The following HSD17B11 variants were observed in gnomAD, a reference collection of about 807,000 sequenced individuals.
HSD17B11 encodes estradiol 17-beta-dehydrogenase 11.
Under a neutral mutation model 27.8 loss-of-function variants are expected in HSD17B11, and 22 were observed. The ratio of observed to expected loss-of-function variants is 0.79; its 90% CI spans 0.56 to 1.13. The LOEUF (loss-of-function observed/expected upper bound fraction) is 1.13, where lower values mean the gene tolerates loss of function less well. Ranked by LOEUF, HSD17B11 falls within the 50% of genes most tolerant of loss-of-function variation. The probability of loss-of-function intolerance (pLI) is 0.00; values close to 1 mark genes in which losing one functional copy is unlikely to be tolerated. For synonymous variants in HSD17B11, 117 were observed against 132.8 expected (o/e 0.88, Z 0.82); for missense variants, 314 against 351.1 (o/e 0.89, Z 0.84).
At chr4:87,378,853 T>A (rs986880158) in intron 2 of HSD17B11, among the ~76,000 whole-genome samples, 1 of 23,294 alleles carries the variant, frequency 4.3e-5, no homozygotes, top group Non-Finnish European at 7.8e-5. Flanking sequence ...TAAATATATA[T>A]ATAAATATAT....
intron 4 of HSD17B11, among the ~76,000 whole-genome samples, chr4:87,368,240 C>T (rs1452568701): frequency 6.6e-6 from 1 of 152,108 alleles, no homozygotes; most frequent in Non-Finnish European, 1.5e-5. Context: ...TGGCATGAAC[C>T]CGGGAGGCAG....
intron 4 of HSD17B11, among the ~76,000 whole-genome samples, chr4:87,364,415 G>C (rs939746610): frequency 6.6e-6 from 1 of 152,140 alleles, no homozygotes; most frequent in African/African-American, 2.4e-5. Flanking sequence ...GGGGAGGGGG[G>C]TTATCAGCAA....
intron 4 of HSD17B11, among the ~76,000 whole-genome samples, chr4:87,362,380 G>C (rs1310746889): frequency 6.6e-6 from 1 of 152,136 alleles, no homozygotes; most frequent in Non-Finnish European, 1.5e-5. Flanking sequence ...ACAAAAATTA[G>C]CCAGACGTGG....
At chr4:87,374,574 T>A in intron 3 of HSD17B11, 125 bp downstream of exon 3, 1 of 817,534 alleles carries the variant, frequency 1.2e-6, no homozygotes, top group East Asian at 2.7e-5. Flanking sequence ...CTTTGTATAA[T>A]GTTATCCCTG....
chr4:87,379,870 CTATTAATTATTATT>C (rs61358928), intron 2 of HSD17B11, among the ~76,000 whole-genome samples: 46,553 of 137,866 alleles, frequency 0.34, 8,079 homozygotes, highest in African/African-American at 0.49. Flanking sequence ...ATGTATTATA[CTATTAATTATTATT>C]ATACAGCACA....
At chr4:87,389,292 G>A (rs1266100145) in intron 1 of HSD17B11, among the ~76,000 whole-genome samples, 1 of 151,994 alleles carries the variant, frequency 6.6e-6, no homozygotes, top group African/African-American at 2.4e-5. Context: ...GCATGATCTC[G>A]GCTCACTGCA....
At chr4:87,359,140 C>G (rs1300740833) in intron 4 of HSD17B11, among the ~76,000 whole-genome samples, 3 of 152,092 alleles carry the variant, frequency 2.0e-5, no homozygotes, top group African/African-American at 7.2e-5. Context: ...TCCCCAGCCA[C>G]GCAGAACTGT....
At chr4:87,372,159 C>T in intron 4 of HSD17B11, among the ~76,000 whole-genome samples, 1 of 148,608 alleles carries the variant, frequency 6.7e-6, no homozygotes, top group East Asian at 2.0e-4. Flanking sequence ...AGGAGAATGG[C>T]GTGAACCCAG....
At position 87,391,109 on chromosome 4, in the gene HSD17B11, T is replaced by C; in HGVS notation, c.-39A>G. 6.6e-7 allele frequency: 1 copy of C among 1,511,204 alleles called. No homozygotes were observed. Among genetic ancestry groups the C allele is most frequent in the South Asian group, 1.2e-5 (1 of 83,790 alleles). The allele number at this position is 1,511,204 out of a possible 1,614,324, so 93.6% of individuals were successfully genotyped here. On this transcript the variant is annotated 5_prime_UTR_variant, in exon 1 of 7. Coordinates refer to ENST00000358290, the MANE Select transcript of HSD17B11 (RefSeq NM_016245.5). ...GCGAGCGTTTGGTGTGTTTTTTTTTTTTTTTACCACTCTAAACTGCTTTTA... is the reference window on the plus strand; with the variant it reads ...GCGAGCGTTTGGTGTGTTTTTTTTTCTTTTTACCACTCTAAACTGCTTTTA...
At chr4:87,378,919 A>T (rs57427157) in intron 2 of HSD17B11, among the ~76,000 whole-genome samples, 40 of 5,886 alleles carry the variant, frequency 6.8e-3, no homozygotes, top group South Asian at 0.024. Flanking sequence ...TATATATATA[A>T]ATATATATAA....
chr4:87,382,140 G>A, intron 2 of HSD17B11, 115 bp downstream of exon 2: 2 of 743,072 alleles, frequency 2.7e-6, no homozygotes, highest in South Asian at 3.7e-5. Context: ...CTATAACCTT[G>A]GTCAAATAAC....
chr4:87,346,437 T>A (rs1454101395), intron 5 of HSD17B11, among the ~76,000 whole-genome samples: 1 of 152,130 alleles, frequency 6.6e-6, no homozygotes, highest in East Asian at 1.9e-4. Context: ...TCGCTTGAGG[T>A]CAGGAGTTTG....
chr4:87,338,751 T>C (rs567713772), intron 6 of HSD17B11, among the ~76,000 whole-genome samples: 1 of 152,266 alleles, frequency 6.6e-6, no homozygotes, highest in Non-Finnish European at 1.5e-5. Context: ...TGCCCAGGCT[T>C]GTCTTGAACT....
chr4:87,389,211 A>T (rs1720392208), intron 1 of HSD17B11, among the ~76,000 whole-genome samples: 1 of 151,942 alleles, frequency 6.6e-6, no homozygotes, highest in East Asian at 1.9e-4. Context: ...TTTATTTATT[A>T]ATTTAATTTA....
Position 87,374,832 on chromosome 4 carries a change from T to G in HSD17B11, c.319-2A>C. 6.4e-7 allele frequency: 1 copy of G among 1,558,038 alleles called. No individual in the cohort carries two copies. Among genetic ancestry groups the G allele is most frequent in the Non-Finnish European group, 8.7e-7 (1 of 1,150,392 alleles). On this transcript the variant is annotated splice_acceptor_variant, in intron 2 of 6. Transcript: ENST00000358290. LOFTEE classifies it high-confidence loss of function. Reference sequence around the variant, plus strand: ...AACATCTCCAATTTCTGCCTTCACCTTCAAAAAATAAAATAAGAAAAGTAA... The same window carrying G: ...AACATCTCCAATTTCTGCCTTCACCGTCAAAAAATAAAATAAGAAAAGTAA...
At chr4:87,340,967 T>A (rs891042808) in intron 5 of HSD17B11, among the ~76,000 whole-genome samples, 2 of 152,214 alleles carry the variant, frequency 1.3e-5, no homozygotes, top group Non-Finnish European at 2.9e-5. Flanking sequence ...ACAACTTTAC[T>A]TTTAAACTTT....
intron 5 of HSD17B11, among the ~76,000 whole-genome samples, chr4:87,353,698 G>A (rs1280704039): frequency 6.6e-6 from 1 of 152,124 alleles, no homozygotes; most frequent in African/African-American, 2.4e-5. Flanking sequence ...GGGCGCTGGA[G>A]CCCACGTTAA....
At chr4:87,345,583 G>C (rs1735255958) in intron 5 of HSD17B11, among the ~76,000 whole-genome samples, 1 of 152,090 alleles carries the variant, frequency 6.6e-6, no homozygotes, top group African/African-American at 2.4e-5. Context: ...AAGGCAAAAA[G>C]AGAGAAGACT....
Position 87,357,948 on chromosome 4 carries a change from A to ATTTT in HSD17B11, c.558-533_558-532insAAAA, listed in dbSNP as rs748955521. 9.2e-4 allele frequency among the ~76,000 whole-genome samples: 90 copies of ATTTT among 97,374 alleles called. 3 individuals carry two copies. Among genetic ancestry groups the ATTTT allele is most frequent in the African/African-American group, 2.6e-3 (59 of 22,300 alleles). The allele number at this position is 97,374 out of a possible 152,430, so 63.9% of individuals were successfully genotyped here. ...TTTGTAACTGAACATTCATTAGAGAAATTTTTTTTTTTTTTTTTTTTTTTT... is the reference window on the plus strand; with the variant it reads ...TTTGTAACTGAACATTCATTAGAGAATTTTATTTTTTTTTTTTTTTTTTTTTTTT... On this transcript the variant is annotated intron_variant, in intron 4 of 6. Transcript: ENST00000358290.
Sources: allele counts gnomAD v4.1 joint callset (sites outside exome capture counted in the v4.1 genomes callset), GRCh38; gene constraint gnomAD v4.1.1; transcripts MANE v1.5; gene names NCBI Gene and HGNC (gene_info 2026-07-23, HGNC 2026-07-21).